TTLL1: variants seen among roughly 807,000 people sequenced by gnomAD.
TTLL1 encodes TTL family tubulin polyglutamylase complex subunit L1.
TTLL1 carries 33 observed loss-of-function variants against 47.8 expected under a neutral mutation model. That is an observed-to-expected ratio of 0.69 (90% CI 0.52 to 0.92). TTLL1 has a LOEUF of 0.92. Among genes scored for constraint, TTLL1 ranks in the 40% least tolerant of loss-of-function variants. The pLI is 0.00. For synonymous variants in TTLL1, 225 were observed against 214.1 expected (o/e 1.05, Z -0.45); for missense variants, 488 against 547.5 (o/e 0.89, Z 1.08).
At position 43,073,105 on chromosome 22, in the gene TTLL1, C is replaced by G. The variant is rs1006807884; in HGVS notation, c.113+2369G>C. On this transcript the variant is annotated intron_variant, in intron 3 of 10. Transcript: ENST00000266254. ...TCTTAGCTAACTGCAACCTCCGCCT[C>G]CTGGGTTCAAGCAATTCTCCCTGCC... Among the ~76,000 whole-genome samples the G allele has an allele frequency of 2.6e-5, 4 of 151,418 alleles. No homozygotes were observed. In the South Asian group the frequency reaches 6.3e-4, roughly 24 times the overall value.
chr22:43,074,676 G>GAAATAAAT (rs200522309), intron 3 of TTLL1, among the ~76,000 whole-genome samples: 1 of 151,346 alleles, frequency 6.6e-6, no homozygotes, highest in Admixed American at 6.6e-5. Flanking sequence ...CTCTGCCTCT[G>GAAATAAAT]AAATAAATAA....
At chr22:43,071,237 G>A (rs949661833) in intron 3 of TTLL1, among the ~76,000 whole-genome samples, 1 of 151,920 alleles carries the variant, frequency 6.6e-6, no homozygotes, top group African/African-American at 2.4e-5. Context: ...TACTTCTATA[G>A]GGACAAGCTT....
intron 10 of TTLL1, among the ~76,000 whole-genome samples, chr22:43,040,533 C>T (rs1441567552): frequency 6.6e-6 from 1 of 152,156 alleles, no homozygotes; most frequent in Non-Finnish European, 1.5e-5. Flanking sequence ...ACAACCTCCA[C>T]CTCCCTGGTT....
chr22:43,065,808 G>A (rs1248148952), intron 5 of TTLL1, among the ~76,000 whole-genome samples: 1 of 151,892 alleles, frequency 6.6e-6, no homozygotes, highest in Non-Finnish European at 1.5e-5. Context: ...GTGCATGTGT[G>A]GGGAAGGGGT....
chr22:43,073,504 G>A (rs147811643), intron 3 of TTLL1, among the ~76,000 whole-genome samples: 1,562 of 151,678 alleles, frequency 0.01, 30 homozygotes, highest in African/African-American at 0.035. Flanking sequence ...TTACAGGTGC[G>A]CACCACCACA....
chr22:43,084,974 T>C (rs1285321129), intron 1 of TTLL1, among the ~76,000 whole-genome samples: 2 of 147,810 alleles, frequency 1.4e-5, no homozygotes, highest in Non-Finnish European at 3.0e-5. Context: ...TTTTTTTTTT[T>C]TTTTTTTTTT....
rs539298332 is a variant in TTLL1, at chr22:43,077,311, G to A, written c.-4-1721C>T. Among the ~76,000 whole-genome samples the A allele has an allele frequency of 1.2e-4, 18 of 152,064 alleles. No homozygotes were observed. In the East Asian group the frequency reaches 3.3e-3, roughly 28 times the overall value. On this transcript the variant is annotated intron_variant, in intron 2 of 10. Coordinates refer to ENST00000266254, the MANE Select transcript of TTLL1 (RefSeq NM_012263.5). Reference sequence around the variant, plus strand: ...GGCCTCGCACACACTGGGCCCCTCCGCCTGCAGCATGCTGCCCTCGATCTC... The same window carrying A: ...GGCCTCGCACACACTGGGCCCCTCCACCTGCAGCATGCTGCCCTCGATCTC...
At chr22:43,088,324 CTTTTTTTTTTTTTTT>C (rs1167618669) in intron 1 of TTLL1, among the ~76,000 whole-genome samples, 4 of 56,468 alleles carry the variant, frequency 7.1e-5, no homozygotes, top group African/African-American at 2.9e-4. Context: ...AAGGGCCCAT[CTTTTTTTTTTTTTTT>C]TTTTTTTTTT....
intron 10 of TTLL1, among the ~76,000 whole-genome samples, chr22:43,041,574 G>A (rs1025127316): frequency 1.3e-5 from 2 of 148,204 alleles, no homozygotes; most frequent in African/African-American, 5.1e-5. Context: ...GAGTGTAGTG[G>A]CCCGATCTTG....
At chr22:43,081,211 C>T (rs1007841779) in intron 1 of TTLL1, among the ~76,000 whole-genome samples, 3 of 152,108 alleles carry the variant, frequency 2.0e-5, no homozygotes, top group Middle Eastern at 3.4e-3. Context: ...CCACCGCGCC[C>T]GGCTGCACAG....
In TTLL1 at chr22:43,069,703, C is replaced by T. The variant is rs1302122707; in HGVS notation, c.255G>A (p.Arg85=). The stretch of plus-strand genomic sequence containing the variant: ...GACTCCCTTCTTTCTCCAGCTCCTT[C>T]CTGTATCTTTTGATGTTCTTCACCA... ...DLMVKNIKRY[R]KELEKEGSPL... The change falls in exon 4 of 11, where the codon AGG becomes AGA. Residue 85 remains arginine, a synonymous_variant. Coordinates refer to ENST00000266254, the MANE Select transcript of TTLL1 (RefSeq NM_012263.5). The T allele has an allele frequency of 1.2e-6, 2 of 1,614,220 alleles. No individual in the cohort carries two copies.
intron 3 of TTLL1, among the ~76,000 whole-genome samples, chr22:43,072,002 C>A (rs1450513784): frequency 1.3e-5 from 2 of 152,290 alleles, no homozygotes; most frequent in South Asian, 2.1e-4. Flanking sequence ...ATGTTTCCAA[C>A]AGAGGAATTG....
At chr22:43,075,380 G>A (rs2294413) in intron 3 of TTLL1, 94 bp downstream of exon 3, 1 of 1,007,246 alleles carries the variant, frequency 9.9e-7, no homozygotes, top group South Asian at 1.4e-5. Context: ...ACAGGAGACA[G>A]TGGCTCTGAG....
Position 43,068,455 on chromosome 22 carries a change from T to G in TTLL1, c.458A>C (p.Lys153Thr), listed in dbSNP as rs762768609. ...AQGKGIFLIN[K>T]LSQIKKWSRD... ...GGACCACTTTTTGATCTGTGAGAGC[T>G]TGTTGATAAGGAAGATGCCCTTTCC... The change falls in exon 5 of 11, where the codon AAG becomes ACG. Residue 153 changes from lysine (K) to threonine (T), a missense_variant. Coordinates refer to ENST00000266254, the MANE Select transcript of TTLL1 (RefSeq NM_012263.5). The G allele has an allele frequency of 6.4e-7, 1 of 1,560,060 alleles. No homozygotes were observed.
At chr22:43,071,589 T>C (rs1601691883) in intron 3 of TTLL1, among the ~76,000 whole-genome samples, 1 of 152,140 alleles carries the variant, frequency 6.6e-6, no homozygotes, top group Middle Eastern at 3.2e-3. Flanking sequence ...GTTATATTTT[T>C]AGTAGAGACG....
chr22:43,080,206 C>T (rs952041934), intron 1 of TTLL1, among the ~76,000 whole-genome samples: 5 of 151,992 alleles, frequency 3.3e-5, no homozygotes, highest in Non-Finnish European at 5.9e-5. Context: ...AGGCGAGTGC[C>T]ACCACACCCG....
chr22:43,053,365 G>A (rs756211494), intron 8 of TTLL1, among the ~76,000 whole-genome samples: 6 of 152,198 alleles, frequency 3.9e-5, no homozygotes, highest in Admixed American at 3.9e-4. Flanking sequence ...GCTCTTGGCT[G>A]CCTCCTCATG....
chr22:43,078,604 G>C (rs1296009215), intron 2 of TTLL1, among the ~76,000 whole-genome samples: 1 of 152,056 alleles, frequency 6.6e-6, no homozygotes, highest in African/African-American at 2.4e-5. Context: ...ACTCTAAAGT[G>C]CCGCCTCTCT....
chr22:43,067,860 A>G (rs1302474280), intron 5 of TTLL1, among the ~76,000 whole-genome samples: 1 of 151,658 alleles, frequency 6.6e-6, no homozygotes, highest in African/African-American at 2.4e-5. Context: ...GCTGGAGTGC[A>G]TGGCGCGATC....
Sources: gnomAD v4.1 joint callset for allele counts (sites outside exome capture counted in the v4.1 genomes callset) on GRCh38, gnomAD v4.1.1 for gene constraint, MANE v1.5 for transcripts, NCBI Gene and HGNC (gene_info 2026-07-23, HGNC 2026-07-21) for gene names.